PTPN22: variants seen among roughly 807,000 people sequenced by gnomAD.
The protein encoded by PTPN22 is protein tyrosine phosphatase non-receptor type 22.
PTPN22 carries 85 observed loss-of-function variants against 103.3 expected under a neutral mutation model. The ratio of observed to expected loss-of-function variants is 0.82; its 90% confidence interval spans 0.69 to 0.99. The LOEUF is 0.99. Ranked by LOEUF, PTPN22 falls within the 50% of genes least tolerant of loss-of-function variation. PTPN22 has a pLI of 0.00. For missense variants in PTPN22, 865 were observed against 936.9 expected (o/e 0.92, Z 1.00); for synonymous variants, 323 against 310.2 (o/e 1.04, Z -0.43).
At chr1:113,837,737 C>T in exon 13 of PTPN22, 6 of 1,613,270 alleles carry the variant, frequency 3.7e-6, no homozygotes, top group Non-Finnish European at 5.1e-6. Flanking sequence ...TCTTGCTTCT[C>T]AGGTAAATCA....
At chr1:113,847,033 CT>C (rs1339795482) in intron 11 of PTPN22, among the ~76,000 whole-genome samples, 1 of 47,822 alleles carries the variant, frequency 2.1e-5, no homozygotes, top group Non-Finnish European at 4.0e-5. Context: ...TTCCCTGCAG[CT>C]CTGTTTATTT....
At chr1:113,837,537 A>G (rs1366299790) in intron 13 of PTPN22, 53 bp downstream of exon 13, 14 of 1,315,496 alleles carry the variant, frequency 1.1e-5, no homozygotes, top group Admixed American at 2.2e-5. Context: ...CAACTATTCT[A>G]TAGAAACAAA....
At chr1:113,859,311 T>C in intron 2 of PTPN22, 41 bp downstream of exon 2, 1 of 1,576,614 alleles carries the variant, frequency 6.3e-7, no homozygotes, top group East Asian at 2.2e-5. Flanking sequence ...ATGATTGAAT[T>C]TGGGAGAAAG....
intron 3 of PTPN22, 26 bp downstream of exon 3, chr1:113,858,976 A>T: frequency 6.2e-7 from 1 of 1,608,116 alleles, no homozygotes; most frequent in Non-Finnish European, 8.5e-7. Context: ...AGAAATATGG[A>T]ATGCTTTTAT....
At chr1:113,829,790 G>C in intron 17 of PTPN22, 83 bp from the exon 18 acceptor site, 2 of 1,190,902 alleles carry the variant, frequency 1.7e-6, no homozygotes, top group South Asian at 1.4e-5. Context: ...TTGTTAGCTT[G>C]GCTTTTTTAG....
chr1:113,816,601 A>C, intron 20 of PTPN22, among the ~76,000 whole-genome samples: 1 of 151,946 alleles, frequency 6.6e-6, no homozygotes, highest in East Asian at 1.9e-4. Flanking sequence ...GTAACTACTC[A>C]AATGTTGCTT....
intron 17 of PTPN22, 90 bp from the exon 18 acceptor site, chr1:113,829,797 T>C: frequency 8.2e-7 from 1 of 1,216,196 alleles, no homozygotes; most frequent in Non-Finnish European, 1.2e-6. Flanking sequence ...CTTGGCTTTT[T>C]TAGGCATTAT....
intron 1 of PTPN22, among the ~76,000 whole-genome samples, chr1:113,869,497 C>T (rs758678167): frequency 2.0e-4 from 31 of 151,720 alleles, no homozygotes; most frequent in African/African-American, 6.3e-4. Flanking sequence ...CGAGTTTAAG[C>T]GATTCTCCTG....
intron 18 of PTPN22, among the ~76,000 whole-genome samples, chr1:113,828,856 C>T (rs911757600): frequency 5.3e-5 from 8 of 152,070 alleles, no homozygotes; most frequent in Non-Finnish European, 1.0e-4. Flanking sequence ...AGGCTGGTCT[C>T]GAATCCTGAG....
chr1:113,853,229 C>T (rs1202863485), intron 9 of PTPN22, among the ~76,000 whole-genome samples: 2 of 152,046 alleles, frequency 1.3e-5, no homozygotes, highest in Admixed American at 6.6e-5. Flanking sequence ...TGAGCCACTG[C>T]AACCAGCCAA....
At chr1:113,814,799 A>T in exon 21 of PTPN22, 1 of 882,604 alleles carries the variant, frequency 1.1e-6, no homozygotes, top group East Asian at 2.5e-5. Flanking sequence ...GCATATCTTC[A>T]TATTTGATAT....
At position 113,849,232 on chromosome 1, in the gene PTPN22, T is replaced by C. The variant is rs554400239; in HGVS notation, c.829-606A>G. Among the ~76,000 whole-genome samples the C allele has an allele frequency of 1.4e-4, 21 of 152,312 alleles. 1 individual carries two copies. The South Asian group carries it at 4.3e-3, about 32-fold the overall frequency. ...GTGCATTTAGATAAAGTTGCTAAAATTTTGTCCTAATAAAGATACCAAAAA... is the reference window on the plus strand; with the variant it reads ...GTGCATTTAGATAAAGTTGCTAAAACTTTGTCCTAATAAAGATACCAAAAA... On this transcript the variant is annotated intron_variant, in intron 10 of 20. Coordinates refer to ENST00000359785, the Ensembl canonical transcript of PTPN22.
rs1212622049 is a variant in PTPN22 at position 113,856,539 on chromosome 1, T to C, written c.480+9A>G. ...TTTACTCAGACATGAGAACAGACAT[T>C]ACACTTACACAGGATACAGAGAAAG... On this transcript the variant is annotated intron_variant, in intron 6 of 20. Transcript: ENST00000359785. The C allele has an allele frequency of 6.8e-6, 11 of 1,614,052 alleles. No individual in the cohort carries two copies. Among genetic ancestry groups the C allele is most frequent in the South Asian group, 1.1e-5 (1 of 91,090 alleles).
At chr1:113,814,738 A>T in exon 21 of PTPN22, 1 of 603,742 alleles carries the variant, frequency 1.7e-6, no homozygotes, top group Non-Finnish European at 2.9e-6. Flanking sequence ...AAAATGCAAA[A>T]CTGGCACTTA....
At position 113,838,539 on chromosome 1, in the gene PTPN22, C is replaced by G; in HGVS notation, c.992+5G>C. 1 of 1,611,884 alleles carries G rather than the reference C, an allele frequency of 6.2e-7. No individual in the cohort carries two copies. Among genetic ancestry groups the G allele is most frequent in the East Asian group, 2.2e-5 (1 of 44,864 alleles). ...CAACATTTAGATATATAAAATTGTA[C>G]TCACCTTTTTGGTAAATTAGGAGAA... On this transcript the variant is annotated splice_donor_5th_base_variant and intron_variant, in intron 12 of 20. Transcript: ENST00000359785.
intron 18 of PTPN22, among the ~76,000 whole-genome samples, chr1:113,826,210 T>A (rs1353682126): frequency 2.0e-5 from 3 of 151,938 alleles, no homozygotes; most frequent in Admixed American, 2.0e-4. Flanking sequence ...CCAGGCATGG[T>A]GGTGCAGACC....
chr1:113,858,522 T>C lies in PTPN22; in HGVS notation c.325A>G (p.Thr109Ala), dbSNP rs1367773619. 1.2e-6 allele frequency: 2 copies of C among 1,607,186 alleles called. 1 individual carries two copies. The highest frequency in any genetic ancestry group is 2.2e-5 in the South Asian group (2 of 90,272). Residue 109 changes from threonine (T) to alanine (A), a missense_variant, in exon 4 of 21, where the codon ACC becomes GCC. Thr to Ala is a moderately conservative substitution (Grantham distance 58). Transcript: ENST00000359785. Reference sequence around the variant, plus strand: ...ATCATCCTCCAGAAGTCCAGGAGGGTTGTAGATAAAGGACCCTGGGTGGCA... The same window carrying C: ...ATCATCCTCCAGAAGTCCAGGAGGGCTGTAGATAAAGGACCCTGGGTGGCA...
At chr1:113,827,668 A>C (rs2101911131) in intron 18 of PTPN22, among the ~76,000 whole-genome samples, 1 of 152,286 alleles carries the variant, frequency 6.6e-6, no homozygotes, top group African/African-American at 2.4e-5. Context: ...ATGTGTATGC[A>C]AGCATATTTG....
chr1:113,860,104 CCTCCTGAAAG>C (rs1362891078), intron 1 of PTPN22, among the ~76,000 whole-genome samples: 1 of 151,806 alleles, frequency 6.6e-6, no homozygotes, highest in African/African-American at 2.4e-5. Flanking sequence ...CTCAGCCTTA[CCTCCTGAAAG>C]CTGGGACCAC....
Sources: gnomAD v4.1 joint callset for allele counts (sites outside exome capture counted in the v4.1 genomes callset) on GRCh38, gnomAD v4.1.1 for gene constraint, MANE v1.5 for transcripts, NCBI Gene and HGNC (gene_info 2026-07-23, HGNC 2026-07-21) for gene names.